CNTNAP2: variants seen among roughly 807,000 people sequenced by gnomAD.
CNTNAP2 encodes contactin-associated protein-like 2.
CNTNAP2 carries 98 observed loss-of-function variants against 155.2 expected under a neutral mutation model. The observed-to-expected ratio is 0.63, with a 90% CI of 0.54 to 0.75. The LOEUF (loss-of-function observed/expected upper bound fraction) is 0.75. CNTNAP2 is among the 30% of genes least tolerant of loss of function. The pLI, the probability that CNTNAP2 is intolerant of heterozygous loss-of-function variation, is 0.00. For synonymous variants in CNTNAP2, 651 were observed against 631.2 expected, an observed-to-expected ratio of 1.03 and a Z score of -0.47; for missense variants, 1,727 against 1,688.1, an observed-to-expected ratio of 1.02 and a Z score of -0.40.
intron 21 of CNTNAP2, among the ~76,000 whole-genome samples, chr7:148,281,125 C>T (rs1056431087): frequency 6.6e-5 from 10 of 152,068 alleles, no homozygotes; most frequent in African/African-American, 2.2e-4. Flanking sequence ...TACTTTCCTG[C>T]GCTAGCCAGT....
chr7:146,285,978 CTGTGTG>C lies in CNTNAP2; in HGVS notation c.97+169045_97+169050del, dbSNP rs540809295. Reference sequence around the variant, plus strand: ...CTTCCTTCCTTCCTTCCTTCCTTCTCTGTGTGTGTGTGTGTGTGTGTGTGTGTGTGT... The same window carrying C: ...CTTCCTTCCTTCCTTCCTTCCTTCTCTGTGTGTGTGTGTGTGTGTGTGTGT... On this transcript the variant is annotated intron_variant, in intron 1 of 23. Transcript: ENST00000361727. 9.8e-3 allele frequency among the ~76,000 whole-genome samples: 330 copies of C among 33,700 alleles called. 5 individuals carry two copies. The highest frequency in any genetic ancestry group is 0.028 in the African/African-American group (100 of 3,604). 22.1% of individuals were successfully genotyped at this position (33,700 alleles called of 152,430 possible). A position where few individuals can be genotyped will look rare whatever the true frequency, so the allele number is the denominator to read the frequency against.
intron 2 of CNTNAP2, among the ~76,000 whole-genome samples, chr7:146,826,835 T>G (rs533617201): frequency 7.3e-6 from 1 of 136,276 alleles, no homozygotes; most frequent in Non-Finnish European, 1.5e-5. Flanking sequence ...AATGAATATA[T>G]GTATATATAT....
At chr7:148,152,837 G>A (rs563678500) in intron 17 of CNTNAP2, among the ~76,000 whole-genome samples, 10 of 151,986 alleles carry the variant, frequency 6.6e-5, no homozygotes, top group South Asian at 4.2e-4. Flanking sequence ...TGGCTAGCAC[G>A]GTGAAACCCC....
chr7:148,339,582 C>G (rs1056775849), intron 21 of CNTNAP2: 2 of 152,290 alleles, frequency 1.3e-5, no homozygotes, highest in Non-Finnish European at 2.9e-5. Context: ...GTGGGAAAGC[C>G]ACCTGCATCA....
At chr7:146,493,231 G>A (rs758145089) in intron 1 of CNTNAP2, among the ~76,000 whole-genome samples, 4 of 152,136 alleles carry the variant, frequency 2.6e-5, no homozygotes, top group Non-Finnish European at 4.4e-5. Context: ...AAGCTCTGTA[G>A]GTTCTGTTCA....
chr7:147,713,557 G>A (rs577345180), intron 13 of CNTNAP2, among the ~76,000 whole-genome samples: 23 of 152,250 alleles, frequency 1.5e-4, no homozygotes, highest in African/African-American at 5.1e-4. Flanking sequence ...GTTGGAGAAC[G>A]TTTGGGTAAT....
chr7:146,164,299 C>G (rs1205585412), intron 1 of CNTNAP2, among the ~76,000 whole-genome samples: 2 of 152,134 alleles, frequency 1.3e-5, no homozygotes, highest in Non-Finnish European at 2.9e-5. Context: ...GCATTTTCTG[C>G]TCATGTATCA....
intron 1 of CNTNAP2, among the ~76,000 whole-genome samples, chr7:146,516,899 T>C (rs1056289532): frequency 3.9e-5 from 6 of 152,174 alleles, no homozygotes; most frequent in Admixed American, 1.3e-4. Context: ...AATAACTGTA[T>C]GCACAGTAAT....
intron 1 of CNTNAP2, among the ~76,000 whole-genome samples, chr7:146,335,159 C>T (rs1801253324): frequency 6.6e-6 from 1 of 152,220 alleles, no homozygotes; most frequent in Non-Finnish European, 1.5e-5. Context: ...CTATGCTGGT[C>T]TACCCTGTTC....
intron 1 of CNTNAP2, among the ~76,000 whole-genome samples, chr7:146,334,871 T>C (rs2129095446): frequency 6.6e-6 from 1 of 152,314 alleles, no homozygotes; most frequent in South Asian, 2.1e-4. Flanking sequence ...CACATGTAGG[T>C]TAATATCCTC....
At chr7:146,797,527 G>C (rs1157695418) in intron 2 of CNTNAP2, among the ~76,000 whole-genome samples, 1 of 152,212 alleles carries the variant, frequency 6.6e-6, no homozygotes, top group Non-Finnish European at 1.5e-5. Flanking sequence ...TTAGGACAAA[G>C]TTGTTAGCAA....
chr7:148,123,336 C>A (rs967563940), intron 16 of CNTNAP2, among the ~76,000 whole-genome samples: 1 of 152,112 alleles, frequency 6.6e-6, no homozygotes, highest in Non-Finnish European at 1.5e-5. Flanking sequence ...ACCTGTCATC[C>A]CAGCACTTTA....
intron 1 of CNTNAP2, among the ~76,000 whole-genome samples, chr7:146,307,286 A>C (rs1459024852): frequency 4.6e-5 from 7 of 152,270 alleles, no homozygotes; most frequent in East Asian, 3.9e-4. Flanking sequence ...TGTGAAGGAC[A>C]TCTTCAAAGA....
chr7:147,587,817 T>TTG (rs905241743), intron 12 of CNTNAP2, among the ~76,000 whole-genome samples: 1 of 152,182 alleles, frequency 6.6e-6, no homozygotes, highest in African/African-American at 2.4e-5. Flanking sequence ...AAATACTTTA[T>TTG]TGTGTGTGTT....
intron 1 of CNTNAP2, among the ~76,000 whole-genome samples, chr7:146,231,496 A>G (rs747997452): frequency 6.6e-6 from 1 of 152,224 alleles, no homozygotes; most frequent in Admixed American, 6.5e-5. Flanking sequence ...GCTGACTTAT[A>G]GAAAAGCAAG....
intron 4 of CNTNAP2, among the ~76,000 whole-genome samples, chr7:147,094,617 AG>A (rs1212217844): frequency 6.6e-6 from 1 of 151,612 alleles, no homozygotes. Flanking sequence ...TGTGTTAGCC[AG>A]TATGATCTCT....
At chr7:147,123,336 A>C (rs555927152) in intron 6 of CNTNAP2, among the ~76,000 whole-genome samples, 1 of 152,352 alleles carries the variant, frequency 6.6e-6, no homozygotes, top group African/African-American at 2.4e-5. Flanking sequence ...GAATGAAGAA[A>C]TATAATTCTA....
intron 1 of CNTNAP2, among the ~76,000 whole-genome samples, chr7:146,185,522 G>C (rs1047391710): frequency 2.0e-5 from 3 of 152,152 alleles, no homozygotes; most frequent in African/African-American, 7.2e-5. Context: ...GGAACTCTCT[G>C]TAAATTTTAA....
chr7:146,120,415 TAAG>T (rs1797544587), intron 1 of CNTNAP2, among the ~76,000 whole-genome samples: 1 of 152,136 alleles, frequency 6.6e-6, no homozygotes, highest in Non-Finnish European at 1.5e-5. Flanking sequence ...ATTCAGGAAG[TAAG>T]AATCATTGTT....
Sources: allele counts gnomAD v4.1 joint callset (sites outside exome capture counted in the v4.1 genomes callset), GRCh38; gene constraint gnomAD v4.1.1; transcripts MANE v1.5; gene names NCBI Gene and HGNC (gene_info 2026-07-23, HGNC 2026-07-21).